The following GXYLT1 variants were observed in gnomAD, a reference collection of about 807,000 sequenced individuals.
GXYLT1 encodes glycosyltransferase 8 domain containing 3.
GXYLT1 carries 29 observed loss-of-function variants against 54.0 expected under a neutral mutation model. The observed-to-expected ratio is 0.54, with a 90% CI of 0.40 to 0.73. GXYLT1 has a LOEUF of 0.73. GXYLT1 is among the 30% of genes least tolerant of loss of function. GXYLT1 has a pLI of 0.00. For missense variants in GXYLT1, 490 were observed against 553.4 expected (o/e 0.89, Z 1.15); for synonymous variants, 176 against 204.1 (o/e 0.86, Z 1.17).
At position 42,092,686 on chromosome 12, in the gene GXYLT1, T is replaced by C. The variant is rs186266354; in HGVS notation, c.1162-4739A>G. 3.0e-3 allele frequency among the ~76,000 whole-genome samples: 456 copies of C among 152,244 alleles called. 1 individual carries two copies. Among genetic ancestry groups the C allele is most frequent in the African/African-American group, 0.011 (439 of 41,558 alleles). On this transcript the variant is annotated intron_variant, in intron 7 of 7. Coordinates refer to ENST00000398675, the MANE Select transcript of GXYLT1 (RefSeq NM_173601.2). ...AATGCTTAAAAGACAAAACTTTATT[T>C]ACAAAAGCAACAAAAAGACAATACT...
Position 42,082,732 on chromosome 12 carries a change from G to C in GXYLT1, c.*5054C>G, listed in dbSNP as rs1330032935. The C allele has an allele frequency of 6.6e-6, 1 of 152,042 alleles. No individual in the cohort carries two copies. Among genetic ancestry groups the C allele is most frequent in the Non-Finnish European group, 1.5e-5 (1 of 68,064 alleles). 9.4% of individuals were successfully genotyped at this position (152,042 alleles called of 1,614,324 possible). On this transcript the variant is annotated 3_prime_UTR_variant, in exon 8 of 8. Transcript: ENST00000398675. ...TGGGCTCAAGCGATCCTCCTGCCTC[G>C]GCCTCCCAAAGTGCTGGGATTACAT...
chr12:42,114,997 A>G (rs140129793), intron 3 of GXYLT1, among the ~76,000 whole-genome samples: 1,699 of 152,358 alleles, frequency 0.011, 30 homozygotes, highest in African/African-American at 0.038. Context: ...AATAAACGTA[A>G]TCCAGCATAT....
At chr12:42,143,689 T>C (rs1007064472) in intron 1 of GXYLT1, among the ~76,000 whole-genome samples, 1 of 152,198 alleles carries the variant, frequency 6.6e-6, no homozygotes, top group African/African-American at 2.4e-5. Context: ...AAACATTTTT[T>C]TTCTATTTAA....
chr12:42,126,619 G>A (rs1314020195), intron 2 of GXYLT1, among the ~76,000 whole-genome samples: 4 of 152,068 alleles, frequency 2.6e-5, no homozygotes, highest in Non-Finnish European at 4.4e-5. Context: ...TAGGCCGGGG[G>A]CGGTGGCTCA....
chr12:42,094,801 A>G (rs2065346901), intron 7 of GXYLT1, among the ~76,000 whole-genome samples: 1 of 152,212 alleles, frequency 6.6e-6, no homozygotes, highest in African/African-American at 2.4e-5. Context: ...CTAACATACA[A>G]AGAACTTTTA....
intron 3 of GXYLT1, among the ~76,000 whole-genome samples, chr12:42,113,118 G>C (rs2065469403): frequency 6.6e-6 from 1 of 150,980 alleles, no homozygotes; most frequent in Non-Finnish European, 1.5e-5. Context: ...CCCTAAAAGA[G>C]CTCCTGAAGG....
At chr12:42,127,006 T>C (rs2065566493) in intron 2 of GXYLT1, among the ~76,000 whole-genome samples, 1 of 152,202 alleles carries the variant, frequency 6.6e-6, no homozygotes, top group Non-Finnish European at 1.5e-5. Context: ...TTTTATATTA[T>C]GTTCACTGTA....
At chr12:42,131,652 G>A (rs1252564686) in intron 1 of GXYLT1, among the ~76,000 whole-genome samples, 3 of 152,200 alleles carry the variant, frequency 2.0e-5, no homozygotes, top group African/African-American at 7.2e-5. Context: ...GAACCAGAAA[G>A]AGAAGAAAAT....
intron 3 of GXYLT1, among the ~76,000 whole-genome samples, chr12:42,112,453 T>C (rs1007917161): frequency 6.6e-6 from 1 of 152,100 alleles, no homozygotes. Flanking sequence ...TTAAAGGACC[T>C]GATGGAGCTG....
intron 4 of GXYLT1, among the ~76,000 whole-genome samples, chr12:42,107,220 G>C (rs2065426617): frequency 6.6e-6 from 1 of 152,178 alleles, no homozygotes; most frequent in Non-Finnish European, 1.5e-5. Flanking sequence ...TTTCAAAGCT[G>C]CTACTTCTTC....
intron 7 of GXYLT1, among the ~76,000 whole-genome samples, chr12:42,090,930 T>C (rs1256441383): frequency 1.3e-5 from 2 of 152,168 alleles, no homozygotes; most frequent in East Asian, 1.9e-4. Context: ...CAACAACTAA[T>C]ATTTAACAAA....
chr12:42,091,402 T>A (rs2065328487), intron 7 of GXYLT1, among the ~76,000 whole-genome samples: 1 of 151,752 alleles, frequency 6.6e-6, no homozygotes, highest in South Asian at 2.1e-4. Context: ...GAAACTTAAT[T>A]CTCTAATAGT....
intron 4 of GXYLT1, among the ~76,000 whole-genome samples, chr12:42,106,970 C>CA (rs1406544113): frequency 6.6e-6 from 1 of 151,994 alleles, no homozygotes; most frequent in Non-Finnish European, 1.5e-5. Context: ...TGGTCTTAAA[C>CA]TCCTGACCTC....
At chr12:42,100,526 C>CTTT (rs2065383941) in intron 5 of GXYLT1, among the ~76,000 whole-genome samples, 1 of 151,112 alleles carries the variant, frequency 6.6e-6, no homozygotes, top group Non-Finnish European at 1.5e-5. Flanking sequence ...ACAATCTATC[C>CTTT]TTTAAAAAAG....
chr12:42,112,665 T>G (rs565337468), intron 3 of GXYLT1, among the ~76,000 whole-genome samples: 1 of 152,250 alleles, frequency 6.6e-6, no homozygotes, highest in South Asian at 2.1e-4. Flanking sequence ...CTACGTCTGA[T>G]TGGTGTACCT....
chr12:42,122,407 T>C (rs1328996362), intron 2 of GXYLT1, among the ~76,000 whole-genome samples: 1 of 152,094 alleles, frequency 6.6e-6, no homozygotes, highest in Admixed American at 6.6e-5. Context: ...CTGGCCAACA[T>C]GGCGAAACCC....
intron 1 of GXYLT1, among the ~76,000 whole-genome samples, chr12:42,133,031 C>T (rs1040239118): frequency 6.6e-6 from 1 of 152,054 alleles, no homozygotes; most frequent in African/African-American, 2.4e-5. Context: ...GCCTCTAATC[C>T]CAGCACTTTG....
chr12:42,141,136 C>T (rs1184310057), intron 1 of GXYLT1, among the ~76,000 whole-genome samples: 5 of 152,170 alleles, frequency 3.3e-5, no homozygotes, highest in Admixed American at 2.0e-4. Context: ...GTCAACAAAT[C>T]AGAGTTCCCC....
At chr12:42,131,720 A>G (rs1050075404) in intron 1 of GXYLT1, among the ~76,000 whole-genome samples, 3 of 152,242 alleles carry the variant, frequency 2.0e-5, no homozygotes, top group Non-Finnish European at 4.4e-5. Context: ...GTACCCTCTC[A>G]GGCATGGCTA....
Sources: gnomAD v4.1 joint callset for allele counts (sites outside exome capture counted in the v4.1 genomes callset) on GRCh38, gnomAD v4.1.1 for gene constraint, MANE v1.5 for transcripts, NCBI Gene and HGNC (gene_info 2026-07-23, HGNC 2026-07-21) for gene names.